LTN1: variants seen among roughly 807,000 people sequenced by gnomAD.
LTN1 encodes listerin E3 ubiquitin protein ligase 1, also known as E3 ubiquitin-protein ligase listerin.
LTN1 carries 88 observed loss-of-function variants against 201.2 expected under a neutral mutation model. That is an observed-to-expected ratio of 0.44 (90% CI 0.37 to 0.52). The LOEUF is 0.52. Ranked by LOEUF, LTN1 falls within the 20% of genes least tolerant of loss-of-function variation. The pLI is 0.00. For synonymous variants in LTN1, 645 were observed against 713.5 expected, an observed-to-expected ratio of 0.90 and a Z score of 1.53; for missense variants, 1,752 against 2,038.7, an observed-to-expected ratio of 0.86 and a Z score of 2.71.
intron 11 of LTN1, chr21:28,964,552 T>G: frequency 6.7e-7 from 1 of 1,486,204 alleles, no homozygotes; most frequent in Non-Finnish European, 9.0e-7. Context: ...CTTGCTTTAT[T>G]GCTGTGGTGT....
intron 12 of LTN1, among the ~76,000 whole-genome samples, chr21:28,960,073 G>A (rs1350849051): frequency 6.6e-6 from 1 of 151,968 alleles, no homozygotes; most frequent in Non-Finnish European, 1.5e-5. Context: ...ACAATATTAC[G>A]ATATGTAAAT....
intron 25 of LTN1, among the ~76,000 whole-genome samples, chr21:28,940,628 A>C (rs943873904): frequency 3.2e-4 from 48 of 152,310 alleles, no homozygotes; most frequent in African/African-American, 1.1e-3. Flanking sequence ...ATGATAGTAC[A>C]AAATTAAATT....
intron 19 of LTN1, among the ~76,000 whole-genome samples, chr21:28,947,047 A>T (rs142331785): frequency 1.9e-4 from 29 of 152,320 alleles, no homozygotes; most frequent in African/African-American, 5.5e-4. Context: ...ACATAATACA[A>T]CTTTATGTTT....
rs1411078939 is a variant in LTN1 at position 28,960,511 on chromosome 21, T to G, written c.2353+6A>C. ...CATTAGAAAACAAAAGCCATATTTG[T>G]CCTACCATTTTTAACATGTTGGGAT... On this transcript the variant is annotated splice_donor_region_variant and intron_variant, in intron 12 of 29. Coordinates refer to ENST00000361371, the MANE Select transcript of LTN1 (RefSeq NM_015565.3). The G allele has an allele frequency of 6.2e-7, 1 of 1,606,948 alleles. No homozygotes were observed. The highest frequency in any genetic ancestry group is 1.7e-5 in the Admixed American group (1 of 59,262).
chr21:28,978,904 T>C (rs2084636950), intron 6 of LTN1, among the ~76,000 whole-genome samples: 1 of 152,182 alleles, frequency 6.6e-6, no homozygotes, highest in South Asian at 2.1e-4. Context: ...TAATTCCAGT[T>C]AAAGAGAGAT....
chr21:28,953,642 G>C (rs1407980682), intron 16 of LTN1, among the ~76,000 whole-genome samples: 4 of 152,142 alleles, frequency 2.6e-5, no homozygotes, highest in Non-Finnish European at 5.9e-5. Flanking sequence ...TAAGTTACTA[G>C]AGATACTGAA....
intron 6 of LTN1, among the ~76,000 whole-genome samples, chr21:28,976,666 A>T (rs1395828401): frequency 6.6e-6 from 1 of 152,186 alleles, no homozygotes; most frequent in Non-Finnish European, 1.5e-5. Flanking sequence ...CAACATAAAG[A>T]AAGCAAGTTT....
At chr21:28,939,518 AT>A (rs2084281224) in intron 25 of LTN1, among the ~76,000 whole-genome samples, 1 of 152,202 alleles carries the variant, frequency 6.6e-6, no homozygotes, top group South Asian at 2.1e-4. Flanking sequence ...ATTTAGGAAC[AT>A]TTAAAGTTTT....
In LTN1 at chr21:28,928,840, T is replaced by C. The variant is rs927317271; in HGVS notation, c.*1608A>G. ...ATACTGGAAAGGTTTTAAACAGTCT[T>C]ATTATAAAACCATTTTTAAAGGAAA... is the stretch of plus-strand genomic sequence containing the variant. On this transcript the variant is annotated 3_prime_UTR_variant, in exon 30 of 30. Transcript: ENST00000361371. 1.3e-5 allele frequency: 2 copies of C among 152,448 alleles called. No homozygotes were observed. Among genetic ancestry groups the C allele is most frequent in the Admixed American group, 6.6e-5 (1 of 15,262 alleles). 9.4% of individuals were successfully genotyped at this position (152,448 alleles called of 1,614,324 possible).
chr21:28,958,020 C>A (rs1007203289), intron 14 of LTN1, among the ~76,000 whole-genome samples: 1 of 152,144 alleles, frequency 6.6e-6, no homozygotes, highest in Admixed American at 6.5e-5. Flanking sequence ...ATGAGTCCAG[C>A]AGGTATGTTA....
chr21:28,944,633 T>A, intron 21 of LTN1, 37 bp from the exon 22 acceptor site: 1 of 1,419,368 alleles, frequency 7.0e-7, no homozygotes, highest in Non-Finnish European at 9.8e-7. Context: ...GTAAACAGAC[T>A]TCTACCAGAA....
chr21:28,984,114 A>C (rs369412383), intron 4 of LTN1, among the ~76,000 whole-genome samples: 1 of 152,154 alleles, frequency 6.6e-6, no homozygotes, highest in Non-Finnish European at 1.5e-5. Flanking sequence ...TAATGTTCTT[A>C]TTCTTTGGCC....
At chr21:28,960,245 T>C (rs1361099846) in intron 12 of LTN1, among the ~76,000 whole-genome samples, 4 of 151,894 alleles carry the variant, frequency 2.6e-5, no homozygotes, top group Non-Finnish European at 4.4e-5. Context: ...CATGCACCTG[T>C]AGTCCCAACT....
At chr21:28,933,081 G>A (rs1001287770) in intron 27 of LTN1, among the ~76,000 whole-genome samples, 1 of 152,058 alleles carries the variant, frequency 6.6e-6, no homozygotes, top group Non-Finnish European at 1.5e-5. Context: ...TCAACTGTCA[G>A]AACATTTATA....
chr21:28,965,347 T>G (rs1044731020), intron 11 of LTN1, among the ~76,000 whole-genome samples: 1 of 152,224 alleles, frequency 6.6e-6, no homozygotes, highest in African/African-American at 2.4e-5. Flanking sequence ...TTTGAAAATT[T>G]GTAAATTGTT....
chr21:28,966,687 T>C lies in LTN1; in HGVS notation c.1804A>G (p.Ile602Val), dbSNP rs1361425231. Residue 602 changes from isoleucine to valine, a missense_variant, in exon 10 of 30, where the codon ATT becomes GTT. Physicochemically the swap from Ile to Val is conservative, Grantham distance 29. Coordinates refer to ENST00000361371, the MANE Select transcript of LTN1 (RefSeq NM_015565.3). ...DLVCKLADIS[I>V]NYVNERKSEQ... ...GACTTTCGTTCATTGACATAATTAA[T>C]ACTTATATCTGCGAGTTTACAGACT... 1.2e-6 allele frequency: 2 copies of C among 1,613,894 alleles called. No homozygotes were observed. Among genetic ancestry groups the C allele is most frequent in the African/African-American group, 1.3e-5 (1 of 74,920 alleles).
Position 28,932,658 on chromosome 21 carries a change from C to T in LTN1, c.4882G>A (p.Ala1628Thr). The part of the protein sequence containing the change: ...TQLFNGMTVK[A>T]RATTREVMAT... ...ATTACCTCTCGAGTAGTAGCTCGAG[C>T]TTTAACCTGCAATACAACAAAGGAT... The change falls in exon 28 of 30, where the codon GCT (alanine) becomes ACT (threonine). Residue 1628 changes from alanine (A) to threonine (T), a missense_variant. Ala to Thr is a moderately conservative substitution (Grantham distance 58). Around this residue, in one of 3 missense-constraint regions of LTN1, gnomAD observed 261 missense variants for 350.1 expected, o/e 0.75. Transcript: ENST00000361371. 2 of 1,603,168 alleles carry T rather than the reference C, an allele frequency of 1.2e-6. No homozygotes were observed. Among genetic ancestry groups the T allele is most frequent in the South Asian group, 1.1e-5 (1 of 89,278 alleles).
rs536234663 is a variant in LTN1, at chr21:28,974,411, C to T, written c.811-2967G>A. 2.6e-5 allele frequency among the ~76,000 whole-genome samples: 4 copies of T among 152,308 alleles called. No homozygotes were observed. In the South Asian group the frequency reaches 8.3e-4, roughly 32 times the overall value. ...TATCAGTCCTCCTAAAAAGGAAGCT[C>T]TGTGGATAAAACACACACAAAAAAC... On this transcript the variant is annotated intron_variant, in intron 6 of 29. Transcript: ENST00000361371.
At chr21:28,959,784 G>A in intron 12 of LTN1, 87 bp from the exon 13 acceptor site, 1 of 1,139,134 alleles carries the variant, frequency 8.8e-7, no homozygotes, top group Non-Finnish European at 1.2e-6. Flanking sequence ...TAATTCTATG[G>A]GTCTTTCCTG....
Sources: gnomAD v4.1 joint callset for allele counts (sites outside exome capture counted in the v4.1 genomes callset) on GRCh38, gnomAD v4.1.1 for gene constraint, gnomAD v4.1.1 regional missense constraint, MANE v1.5 for transcripts, NCBI Gene and HGNC (gene_info 2026-07-23, HGNC 2026-07-21) for gene names.